Variants in FCHSD2 observed in about 807,000 individuals in gnomAD.
FCHSD2 encodes F-BAR and double SH3 domains protein 2.
Under a neutral mutation model 108.1 loss-of-function variants are expected in FCHSD2, and 38 were observed. That is an observed-to-expected ratio of 0.35 (90% CI 0.27 to 0.46). The LOEUF is 0.46. FCHSD2 is among the 20% of genes least tolerant of loss of function. The pLI, the probability that FCHSD2 is intolerant of heterozygous loss-of-function variation, is 1.00. For missense variants in FCHSD2, 751 were observed against 897.8 expected (o/e 0.84, Z 2.09); for synonymous variants, 279 against 314.7 (o/e 0.89, Z 1.20).
At chr11:72,885,121 C>A (rs1485940168) in intron 12 of FCHSD2, among the ~76,000 whole-genome samples, 2 of 152,128 alleles carry the variant, frequency 1.3e-5, no homozygotes, top group East Asian at 1.9e-4. Context: ...ATGGTCTAGT[C>A]CATCCAAAAA....
In FCHSD2 at chr11:72,902,595, G is replaced by C; in HGVS notation, c.872C>G (p.Ala291Gly). ...GAAGGGCTGGGGTTTGTGAAATACA[G>C]CGTTTTCTTGCAAAAACAGCTGAAG... is the stretch of plus-strand genomic sequence containing the variant. The part of the protein sequence containing the change: ...YNLQLFLQEN[A>G]VFHKPQPFQF... Residue 291 changes from alanine (A) to glycine (G), a missense_variant, in exon 10 of 20, where the codon GCT (alanine) becomes GGT (glycine). Coordinates refer to ENST00000409418, the MANE Select transcript of FCHSD2 (RefSeq NM_014824.3). 1 of 1,586,730 alleles carries C rather than the reference G, an allele frequency of 6.3e-7. No homozygotes were observed. The highest frequency in any genetic ancestry group is 8.6e-7 in the Non-Finnish European group (1 of 1,165,648).
intron 12 of FCHSD2, among the ~76,000 whole-genome samples, chr11:72,870,810 G>A (rs969015362): frequency 2.2e-5 from 3 of 139,284 alleles, no homozygotes; most frequent in Non-Finnish European, 3.0e-5. Flanking sequence ...TGAGGCAGGA[G>A]AATGGCGTGA....
intron 3 of FCHSD2, among the ~76,000 whole-genome samples, chr11:73,016,821 C>G (rs1857984630): frequency 6.6e-6 from 1 of 152,156 alleles, no homozygotes; most frequent in African/African-American, 2.4e-5. Context: ...TTACTATTAT[C>G]TACACAACAC....
chr11:72,902,925 T>C (rs754097452), intron 9 of FCHSD2, among the ~76,000 whole-genome samples: 4 of 152,142 alleles, frequency 2.6e-5, no homozygotes, highest in Non-Finnish European at 4.4e-5. Context: ...AAGATAGTTT[T>C]TACACAAAAA....
At chr11:73,119,508 A>G (rs144136190) in intron 2 of FCHSD2, among the ~76,000 whole-genome samples, 46 of 152,310 alleles carry the variant, frequency 3.0e-4, no homozygotes, top group Non-Finnish European at 5.7e-4. Flanking sequence ...TCTGTCACCT[A>G]AACTGGAAGG....
intron 3 of FCHSD2, among the ~76,000 whole-genome samples, chr11:73,029,413 A>G (rs932969705): frequency 1.3e-5 from 2 of 152,202 alleles, no homozygotes; most frequent in Non-Finnish European, 2.9e-5. Flanking sequence ...AAAGATTTGG[A>G]GAGTAAATTA....
chr11:72,922,147 G>A (rs987242137), intron 8 of FCHSD2, among the ~76,000 whole-genome samples, 197 bp from the exon 9 acceptor site: 1 of 152,060 alleles, frequency 6.6e-6, no homozygotes, highest in Non-Finnish European at 1.5e-5. Context: ...TAATAAACAG[G>A]AACTAAAAGA....
chr11:73,130,299 T>C (rs955097120), intron 2 of FCHSD2, among the ~76,000 whole-genome samples: 1 of 152,162 alleles, frequency 6.6e-6, no homozygotes. Context: ...CAGGCTGGAG[T>C]GTAGTGGCTA....
chr11:72,964,940 C>T (rs1023468691), intron 8 of FCHSD2, among the ~76,000 whole-genome samples: 7 of 152,066 alleles, frequency 4.6e-5, no homozygotes, highest in East Asian at 1.9e-4. Context: ...CAGGCGCCCG[C>T]CACCACACCC....
At chr11:73,083,558 A>G (rs1023939952) in intron 3 of FCHSD2, 137 bp downstream of exon 3, 5 of 309,562 alleles carry the variant, frequency 1.6e-5, no homozygotes, top group African/African-American at 1.2e-4. Flanking sequence ...AGAAAAAAAG[A>G]AAAAAAAAAA....
At chr11:72,947,714 T>A (rs1476498842) in intron 8 of FCHSD2, among the ~76,000 whole-genome samples, 1 of 140,602 alleles carries the variant, frequency 7.1e-6, no homozygotes, top group Non-Finnish European at 1.6e-5. Context: ...TACAGTGTGA[T>A]AAAATCATTA....
intron 11 of FCHSD2, among the ~76,000 whole-genome samples, chr11:72,888,204 G>C (rs1565307004): frequency 6.6e-6 from 1 of 152,202 alleles, no homozygotes; most frequent in Non-Finnish European, 1.5e-5. Context: ...ATCTAGGTAT[G>C]GCCAGAAAGG....
intron 14 of FCHSD2, among the ~76,000 whole-genome samples, chr11:72,849,272 T>C (rs1861224657): frequency 6.6e-6 from 1 of 152,214 alleles, no homozygotes; most frequent in Non-Finnish European, 1.5e-5. Context: ...CCACTATGGC[T>C]GGACATCGTC....
At chr11:72,955,345 A>G (rs1037100376) in intron 8 of FCHSD2, among the ~76,000 whole-genome samples, 1 of 152,220 alleles carries the variant, frequency 6.6e-6, no homozygotes, top group Non-Finnish European at 1.5e-5. Flanking sequence ...GAAGAAATGC[A>G]TAGGGCAAGG....
chr11:73,116,923 T>C (rs564102953), intron 2 of FCHSD2, among the ~76,000 whole-genome samples: 1 of 124,150 alleles, frequency 8.1e-6, no homozygotes, highest in East Asian at 2.1e-4. Flanking sequence ...AATTATATTT[T>C]TTCATGTAAA....
intron 8 of FCHSD2, among the ~76,000 whole-genome samples, chr11:72,948,070 C>G (rs923702698): frequency 6.6e-6 from 1 of 152,100 alleles, no homozygotes; most frequent in East Asian, 1.9e-4. Flanking sequence ...TGCAGTGGTG[C>G]GATCTCGGCT....
At chr11:73,062,554 C>T (rs1015090506) in intron 3 of FCHSD2, among the ~76,000 whole-genome samples, 2 of 152,070 alleles carry the variant, frequency 1.3e-5, no homozygotes, top group African/African-American at 2.4e-5. Flanking sequence ...AAACGTTAGA[C>T]GAATTGCTAA....
At chr11:73,003,828 C>T (rs1455721265) in intron 4 of FCHSD2, among the ~76,000 whole-genome samples, 9 of 151,584 alleles carry the variant, frequency 5.9e-5, no homozygotes, top group Non-Finnish European at 1.0e-4. Flanking sequence ...AAAGTATCAG[C>T]CAGCGTGGTG....
At chr11:73,019,798 T>C (rs1311039895) in intron 3 of FCHSD2, among the ~76,000 whole-genome samples, 1 of 152,212 alleles carries the variant, frequency 6.6e-6, no homozygotes, top group Non-Finnish European at 1.5e-5. Context: ...TGGTTTCCTC[T>C]ATACTTTATA....
Sources: gnomAD v4.1 joint callset for allele counts (sites outside exome capture counted in the v4.1 genomes callset) on GRCh38, gnomAD v4.1.1 for gene constraint, MANE v1.5 for transcripts, NCBI Gene and HGNC (gene_info 2026-07-23, HGNC 2026-07-21) for gene names.